Variants in MYRIP observed in about 807,000 individuals in gnomAD.
The protein encoded by MYRIP is rab effector MyRIP.
MYRIP carries 49 observed loss-of-function variants against 98.0 expected under a neutral mutation model. The observed-to-expected ratio is 0.50, with a 90% CI of 0.40 to 0.63. The LOEUF is 0.63. MYRIP is among the 30% of genes least tolerant of loss of function. The pLI is 0.00. For synonymous variants in MYRIP, 404 were observed against 409.5 expected (o/e 0.99, Z 0.16); for missense variants, 1,004 against 1,058.2 (o/e 0.95, Z 0.71).
intron 3 of MYRIP, among the ~76,000 whole-genome samples, chr3:40,132,418 C>T (rs11706943): frequency 0.31 from 36,738 of 116,878 alleles, 4,787 homozygotes; most frequent in South Asian, 0.45. Context: ...CTTTTGCCAC[C>T]TGCCCACCTG....
Position 40,172,945 on chromosome 3 carries a change from C to A in MYRIP, c.873+2852C>A, listed in dbSNP as rs534652702. Among the ~76,000 whole-genome samples the A allele has an allele frequency of 2.0e-5, 3 of 152,294 alleles. No homozygotes were observed. The East Asian group carries it at 5.8e-4, about 29-fold the overall frequency. On this transcript the variant is annotated intron_variant, in intron 8 of 16. Transcript: ENST00000302541. Reference sequence around the variant, plus strand: ...CTCATTTTCCCTTGCACTAAAGAGACCTCACCCCCCAGAAACAGACCTTTT... The same window carrying A: ...CTCATTTTCCCTTGCACTAAAGAGAACTCACCCCCCAGAAACAGACCTTTT...
chr3:40,067,854 T>C (rs1462701538), intron 3 of MYRIP, among the ~76,000 whole-genome samples: 1 of 152,204 alleles, frequency 6.6e-6, no homozygotes, highest in East Asian at 1.9e-4. Context: ...TTGATAGAGT[T>C]ATTGTCATCT....
intron 1 of MYRIP, among the ~76,000 whole-genome samples, chr3:39,845,732 A>G (rs1941943648): frequency 6.6e-6 from 1 of 151,982 alleles, no homozygotes; most frequent in Non-Finnish European, 1.5e-5. Context: ...CCTGGATGAT[A>G]AGGGAATTGT....
intron 16 of MYRIP, among the ~76,000 whole-genome samples, chr3:40,255,257 T>C (rs969645789): frequency 6.6e-6 from 1 of 152,144 alleles, no homozygotes; most frequent in Non-Finnish European, 1.5e-5. Flanking sequence ...AGACAGGACA[T>C]GAATTGGTGG....
intron 1 of MYRIP, among the ~76,000 whole-genome samples, chr3:39,841,267 C>T (rs373765794): frequency 6.6e-5 from 10 of 151,958 alleles, no homozygotes; most frequent in Non-Finnish European, 1.0e-4. Flanking sequence ...GTATGCTTCA[C>T]GAAGTTCTCG....
Position 40,164,184 on chromosome 3 carries a change from T to A in MYRIP, c.550+1374T>A, listed in dbSNP as rs532358892. Among the ~76,000 whole-genome samples the A allele has an allele frequency of 4.6e-5, 7 of 152,270 alleles. No homozygotes were observed. The East Asian group carries it at 1.4e-3, about 29-fold the overall frequency. On this transcript the variant is annotated intron_variant, in intron 5 of 16. Transcript: ENST00000302541. ...CACAGCTACCCAAGTACCTGTCAGC[T>A]CTGTTTTCAATCTTACACTTTTCTT...
chr3:40,143,772 C>T (rs1170410650), intron 3 of MYRIP, among the ~76,000 whole-genome samples: 1 of 152,112 alleles, frequency 6.6e-6, no homozygotes, highest in East Asian at 1.9e-4. Flanking sequence ...TCTCACACAT[C>T]TTATCATTTT....
At chr3:40,219,589 G>GT (rs560655560) in intron 11 of MYRIP, among the ~76,000 whole-genome samples, 3 of 152,132 alleles carry the variant, frequency 2.0e-5, no homozygotes, top group East Asian at 1.9e-4. Context: ...GCGGTGTTTG[G>GT]TTTTTTGTCC....
At chr3:40,228,091 T>C (rs1952539880) in intron 11 of MYRIP, among the ~76,000 whole-genome samples, 2 of 152,150 alleles carry the variant, frequency 1.3e-5, no homozygotes, top group South Asian at 4.1e-4. Context: ...ATCTGCCATG[T>C]ATTCATGAAC....
chr3:40,153,727 A>T (rs1326452654), intron 4 of MYRIP, among the ~76,000 whole-genome samples: 2 of 152,230 alleles, frequency 1.3e-5, no homozygotes, highest in African/African-American at 4.8e-5. Context: ...TGATTGTCAG[A>T]ACATGATATG....
chr3:39,851,798 A>G (rs1039593610), intron 1 of MYRIP, among the ~76,000 whole-genome samples: 3 of 152,096 alleles, frequency 2.0e-5, no homozygotes, highest in Non-Finnish European at 4.4e-5. Flanking sequence ...AGGAGAGGCA[A>G]TGGTTCAAAT....
intron 2 of MYRIP, among the ~76,000 whole-genome samples, chr3:40,028,665 A>G (rs1484405646): frequency 1.3e-5 from 2 of 152,078 alleles, no homozygotes; most frequent in African/African-American, 4.8e-5. Context: ...TTCTGATGTT[A>G]AACCCATCAC....
intron 1 of MYRIP, among the ~76,000 whole-genome samples, chr3:39,863,738 C>T (rs184243142): frequency 4.0e-4 from 60 of 151,594 alleles, no homozygotes; most frequent in Admixed American, 9.8e-4. Context: ...TGATGTAAAA[C>T]GAACAACTGG....
chr3:40,035,544 G>A (rs1001514769), intron 2 of MYRIP, among the ~76,000 whole-genome samples: 16 of 151,868 alleles, frequency 1.1e-4, no homozygotes, highest in South Asian at 2.1e-4. Context: ...GATTTGTGCC[G>A]CCTCTAAGAA....
intron 2 of MYRIP, among the ~76,000 whole-genome samples, chr3:40,000,818 A>G (rs1445864984): frequency 6.6e-6 from 1 of 152,182 alleles, no homozygotes; most frequent in Non-Finnish European, 1.5e-5. Flanking sequence ...GTATTCTGTG[A>G]GGTTTAATAG....
chr3:39,894,640 A>G (rs1422109329), intron 1 of MYRIP, among the ~76,000 whole-genome samples: 1 of 152,196 alleles, frequency 6.6e-6, no homozygotes, highest in Non-Finnish European at 1.5e-5. Context: ...TTAATATGTC[A>G]TAAACGCCTT....
intron 2 of MYRIP, among the ~76,000 whole-genome samples, chr3:40,013,272 A>G (rs1946799623): frequency 6.6e-6 from 1 of 152,212 alleles, no homozygotes; most frequent in African/African-American, 2.4e-5. Context: ...GAGAAGTAAG[A>G]ACCTTAACAG....
chr3:40,162,921 A>C, intron 5 of MYRIP, 111 bp downstream of exon 5: 1 of 922,828 alleles, frequency 1.1e-6, no homozygotes, highest in Non-Finnish European at 1.8e-6. Flanking sequence ...AGATGCAACT[A>C]TCTACTACTG....
At chr3:40,048,022 CT>C (rs1947706615) in intron 3 of MYRIP, among the ~76,000 whole-genome samples, 1 of 152,186 alleles carries the variant, frequency 6.6e-6, no homozygotes, top group South Asian at 2.1e-4. Context: ...CTCCTCTGCC[CT>C]TCATTCAATC....
Sources: gnomAD v4.1 joint callset for allele counts (sites outside exome capture counted in the v4.1 genomes callset) on GRCh38, gnomAD v4.1.1 for gene constraint, MANE v1.5 for transcripts, NCBI Gene and HGNC (gene_info 2026-07-23, HGNC 2026-07-21) for gene names.